SESTD1: variants seen among roughly 807,000 people sequenced by gnomAD.
SESTD1 encodes the protein SEC14 domain and spectrin repeat-containing protein 1.
SESTD1 carries 43 observed loss-of-function variants against 101.7 expected under a neutral mutation model. The observed-to-expected ratio is 0.42, with a 90% confidence interval of 0.33 to 0.55. SESTD1 has a LOEUF of 0.55. Among genes scored for constraint, SESTD1 ranks in the 20% least tolerant of loss-of-function variants. The pLI is 0.07. For missense variants in SESTD1, 647 were observed against 815.1 expected, an observed-to-expected ratio of 0.79 and a Z score of 2.51; for synonymous variants, 283 against 286.8, an observed-to-expected ratio of 0.99 and a Z score of 0.13.
At chr2:179,112,666 T>C (rs576946382) in intron 17 of SESTD1, 58 bp downstream of exon 17, 1 of 1,493,262 alleles carries the variant, frequency 6.7e-7, no homozygotes, top group Non-Finnish European at 8.9e-7. Context: ...CCTCTTTTAA[T>C]GATTTCACTT....
intron 1 of SESTD1, among the ~76,000 whole-genome samples, chr2:179,227,489 A>G (rs1278226061): frequency 6.6e-6 from 1 of 152,214 alleles, no homozygotes; most frequent in East Asian, 1.9e-4. Context: ...ATTTCTAAGA[A>G]TTGAGGTAAC....
At position 179,116,778 on chromosome 2, in the gene SESTD1, G is replaced by C; in HGVS notation, c.1537C>G (p.Leu513Val). 1 of 1,613,792 alleles carries C rather than the reference G, an allele frequency of 6.2e-7. No homozygotes were observed. The highest frequency in any genetic ancestry group is 8.5e-7 in the Non-Finnish European group (1 of 1,179,794). Residue 513 changes from leucine (L) to valine (V), a missense_variant, in exon 15 of 18, where the codon CTA becomes GTA. Coordinates refer to ENST00000428443, the MANE Select transcript of SESTD1 (RefSeq NM_178123.5). Reference sequence around the variant, plus strand: ...AGCAGAGCATCCAGAAGTTCACTTAGCCATTCTACTGCCTAAACAAAAAGA... The same window carrying C: ...AGCAGAGCATCCAGAAGTTCACTTACCCATTCTACTGCCTAAACAAAAAGA... ...EEDAAQAVEW[L>V]SELLDALLKT...
chr2:179,249,833 G>A (rs922015729), intron 1 of SESTD1, among the ~76,000 whole-genome samples: 5 of 149,612 alleles, frequency 3.3e-5, no homozygotes, highest in East Asian at 1.9e-4. Flanking sequence ...AAAACAACTC[G>A]ATGGAGAAAG....
intron 1 of SESTD1, among the ~76,000 whole-genome samples, chr2:179,197,570 T>A (rs2046422275): frequency 6.6e-6 from 1 of 152,104 alleles, no homozygotes; most frequent in Non-Finnish European, 1.5e-5. Context: ...AAAGGTCGGG[T>A]TACCCTCAAA....
chr2:179,153,444 A>G (rs1483162836), intron 5 of SESTD1, among the ~76,000 whole-genome samples: 1 of 152,200 alleles, frequency 6.6e-6, no homozygotes, highest in Admixed American at 6.5e-5. Flanking sequence ...AATTGGAAGT[A>G]TCAGTTTAAA....
At chr2:179,198,204 A>T (rs1471871343) in intron 1 of SESTD1, among the ~76,000 whole-genome samples, 1 of 152,224 alleles carries the variant, frequency 6.6e-6, no homozygotes, top group African/African-American at 2.4e-5. Flanking sequence ...AGATCAAAAG[A>T]GACAAGGCCA....
intron 5 of SESTD1, among the ~76,000 whole-genome samples, chr2:179,167,556 A>C (rs2045856130): frequency 6.6e-6 from 1 of 152,178 alleles, no homozygotes; most frequent in Admixed American, 6.6e-5. Flanking sequence ...AATAAATACC[A>C]AATAGAACAC....
chr2:179,112,693 A>T, intron 17 of SESTD1, 31 bp downstream of exon 17: 1 of 1,566,660 alleles, frequency 6.4e-7, no homozygotes, highest in Non-Finnish European at 8.6e-7. Flanking sequence ...CACACCAATA[A>T]AAAATAAAAT....
chr2:179,238,516 GTTC>G (rs1200328365), intron 1 of SESTD1, among the ~76,000 whole-genome samples: 3 of 152,070 alleles, frequency 2.0e-5, no homozygotes, highest in Non-Finnish European at 2.9e-5. Flanking sequence ...ATCTAATAAT[GTTC>G]TTATTACCAT....
chr2:179,118,668 T>C (rs972706156), intron 13 of SESTD1, among the ~76,000 whole-genome samples: 9 of 152,186 alleles, frequency 5.9e-5, no homozygotes, highest in Non-Finnish European at 1.0e-4. Context: ...ATTTTTTAAA[T>C]ATGAAACTAA....
intron 1 of SESTD1, among the ~76,000 whole-genome samples, chr2:179,230,763 T>C (rs561827058): frequency 6.6e-6 from 1 of 152,066 alleles, no homozygotes; most frequent in South Asian, 2.1e-4. Context: ...AGAATTAATA[T>C]TTAAAACTAT....
chr2:179,112,096 G>A (rs1283862984), intron 17 of SESTD1, among the ~76,000 whole-genome samples: 3 of 152,154 alleles, frequency 2.0e-5, no homozygotes, highest in Non-Finnish European at 4.4e-5. Context: ...ATTTGAAATG[G>A]AAAGGTGTAA....
chr2:179,117,507 C>T, intron 14 of SESTD1, 25 bp downstream of exon 14: 2 of 1,541,268 alleles, frequency 1.3e-6, no homozygotes, highest in Middle Eastern at 3.4e-4. Flanking sequence ...AAGTTAACTA[C>T]ATAATGTAGC....
At chr2:179,143,996 ATG>A (rs1471498852) in intron 8 of SESTD1, among the ~76,000 whole-genome samples, 193 bp from the exon 9 acceptor site, 1 of 151,840 alleles carries the variant, frequency 6.6e-6, no homozygotes, top group African/African-American at 2.4e-5. Context: ...ATATGTGTGT[ATG>A]TGTGTGTACA....
chr2:179,217,729 C>A (rs2046745507), intron 1 of SESTD1, among the ~76,000 whole-genome samples: 1 of 152,110 alleles, frequency 6.6e-6, no homozygotes, highest in African/African-American at 2.4e-5. Flanking sequence ...TGGAACCAAC[C>A]CAAATGTCCA....
intron 1 of SESTD1, among the ~76,000 whole-genome samples, chr2:179,240,024 T>A (rs1333274319): frequency 6.6e-6 from 1 of 152,188 alleles, no homozygotes; most frequent in Non-Finnish European, 1.5e-5. Context: ...GCTTGCAGAT[T>A]ACAAGGTGAT....
chr2:179,223,255 GGCCAGTGGCT>G (rs2046838447), intron 1 of SESTD1, among the ~76,000 whole-genome samples: 1 of 152,136 alleles, frequency 6.6e-6, no homozygotes, highest in Admixed American at 6.6e-5. Context: ...GAAAGTAGTA[GGCCAGTGGCT>G]GCCTAGGGCT....
intron 1 of SESTD1, among the ~76,000 whole-genome samples, chr2:179,261,179 G>A (rs934816877): frequency 2.0e-5 from 3 of 152,214 alleles, no homozygotes; most frequent in African/African-American, 7.2e-5. Context: ...TATTATGACA[G>A]AAGAAAAGGA....
chr2:179,150,873 C>T (rs567438039), intron 6 of SESTD1, among the ~76,000 whole-genome samples: 1 of 152,188 alleles, frequency 6.6e-6, no homozygotes, highest in South Asian at 2.1e-4. Flanking sequence ...AATTTTACAA[C>T]CTTTACTGAT....
Sources: gnomAD v4.1 joint callset for allele counts (sites outside exome capture counted in the v4.1 genomes callset) on GRCh38, gnomAD v4.1.1 for gene constraint, MANE v1.5 for transcripts, NCBI Gene and HGNC (gene_info 2026-07-23, HGNC 2026-07-21) for gene names.